SOX5: variants seen among roughly 807,000 people sequenced by gnomAD.
SOX5 encodes the protein transcription factor SOX-5.
SOX5 carries 9 observed loss-of-function variants against 92.0 expected under a neutral mutation model. The observed-to-expected ratio is 0.10, with a 90% CI of 0.06 to 0.17. The LOEUF is 0.17. Among genes scored for constraint, SOX5 ranks in the 10% least tolerant of loss-of-function variants. The probability of loss-of-function intolerance (pLI) is 1.00; values close to 1 mark genes in which losing one functional copy is unlikely to be tolerated. For synonymous variants in SOX5, 344 were observed against 336.3 expected (o/e 1.02, Z -0.25); for missense variants, 642 against 944.5 (o/e 0.68, Z 4.20).
chr12:24,428,600 T>G (rs1966976050), intron 1 of SOX5, among the ~76,000 whole-genome samples: 1 of 151,742 alleles, frequency 6.6e-6, no homozygotes, highest in Non-Finnish European at 1.5e-5. Context: ...AGTGAGACCC[T>G]GTCTCCATAA....
intron 1 of SOX5, among the ~76,000 whole-genome samples, chr12:23,896,571 T>G (rs1015139815): frequency 1.3e-5 from 2 of 152,092 alleles, no homozygotes; most frequent in Non-Finnish European, 2.9e-5. Context: ...GACAGAAAGT[T>G]TAATATTTGT....
intron 9 of SOX5, among the ~76,000 whole-genome samples, chr12:23,597,837 G>A (rs142784486): frequency 6.6e-6 from 1 of 152,306 alleles, no homozygotes; most frequent in East Asian, 1.9e-4. Context: ...TTATTAAGGA[G>A]ATTCTAGCAT....
At chr12:23,742,877 C>T (rs1307896983) in intron 4 of SOX5, among the ~76,000 whole-genome samples, 1 of 151,736 alleles carries the variant, frequency 6.6e-6, no homozygotes, top group Non-Finnish European at 1.5e-5. Flanking sequence ...AGCTGTAATC[C>T]CAGCTACTTG....
rs1965801137 is a variant in SOX5, at chr12:24,420,850, ACT to A, written c.-250-52213_-250-52212del. On this transcript the variant is annotated intron_variant, in intron 1 of 4. Transcript: ENST00000446891. The stretch of plus-strand genomic sequence containing the variant: ...CAAAGGGATCAAACTTATCTGATCA[ACT>A]CTCTGGAGCCAGCTGCCAGTCTTTC... Among the ~76,000 whole-genome samples the A allele has an allele frequency of 3.3e-5, 5 of 152,162 alleles. No individual in the cohort carries two copies. In the South Asian group the frequency reaches 1.0e-3, roughly 32 times the overall value.
intron 4 of SOX5, among the ~76,000 whole-genome samples, chr12:23,987,707 C>T (rs1048128176): frequency 6.6e-6 from 1 of 152,156 alleles, no homozygotes; most frequent in African/African-American, 2.4e-5. Flanking sequence ...GCTTGAGGAT[C>T]TCTAGAGCCA....
intron 3 of SOX5, among the ~76,000 whole-genome samples, chr12:23,786,350 C>T (rs764259235): frequency 2.0e-5 from 3 of 151,860 alleles, no homozygotes; most frequent in Non-Finnish European, 2.9e-5. Flanking sequence ...TTGTTTTAAA[C>T]ATACATTTTT....
chr12:23,626,918 A>G (rs1177057366), intron 8 of SOX5, among the ~76,000 whole-genome samples: 1 of 152,138 alleles, frequency 6.6e-6, no homozygotes, highest in Non-Finnish European at 1.5e-5. Flanking sequence ...TAGGATATAA[A>G]GAACTCCCAC....
chr12:24,276,707 A>G (rs530605374), intron 3 of SOX5, among the ~76,000 whole-genome samples: 1 of 152,152 alleles, frequency 6.6e-6, no homozygotes, highest in Non-Finnish European at 1.5e-5. Flanking sequence ...ATGCCCATGG[A>G]ATGTTTCTGT....
intron 4 of SOX5, among the ~76,000 whole-genome samples, chr12:23,751,552 T>C (rs1381262523): frequency 6.6e-6 from 1 of 151,890 alleles, no homozygotes; most frequent in Non-Finnish European, 1.5e-5. Flanking sequence ...TTCAAGCCAC[T>C]GACTGACTCT....
At chr12:24,355,228 C>CATCACCA (rs2141206359) in intron 2 of SOX5, among the ~76,000 whole-genome samples, 1 of 145,222 alleles carries the variant, frequency 6.9e-6, no homozygotes, top group African/African-American at 2.6e-5. Context: ...CCAGCCAGCT[C>CATCACCA]ATCACCAATA....
At chr12:24,171,192 A>T (rs1407122727) in intron 4 of SOX5, among the ~76,000 whole-genome samples, 604 of 21,602 alleles carry the variant, frequency 0.028, no homozygotes, top group Non-Finnish European at 0.034. Context: ...TTTTTCTTTT[A>T]TTTCATTGGC....
chr12:24,422,257 A>G (rs1367083351), intron 1 of SOX5, among the ~76,000 whole-genome samples: 1 of 152,200 alleles, frequency 6.6e-6, no homozygotes, highest in African/African-American at 2.4e-5. Context: ...TCAATACTGG[A>G]TATGATCAAC....
At chr12:23,950,165 C>CA (rs1046194294), upstream of SOX5, among the ~76,000 whole-genome samples, 1 of 151,814 alleles carries the variant, frequency 6.6e-6, no homozygotes, top group South Asian at 2.1e-4. Context: ...ACTAATTAAG[C>CA]AAAAAATTTA....
intron 2 of SOX5, among the ~76,000 whole-genome samples, chr12:24,319,954 G>C (rs1317776328): frequency 1.3e-5 from 2 of 152,130 alleles, no homozygotes; most frequent in Non-Finnish European, 2.9e-5. Flanking sequence ...TAGTAACTCA[G>C]TAGGTTACAC....
intron 4 of SOX5, among the ~76,000 whole-genome samples, chr12:23,748,141 T>C (rs1419811977): frequency 6.6e-6 from 1 of 152,038 alleles, no homozygotes; most frequent in Non-Finnish European, 1.5e-5. Context: ...CTTATTGATA[T>C]AGTTATTTAT....
chr12:23,782,259 C>G (rs1430290919), intron 3 of SOX5, among the ~76,000 whole-genome samples: 1 of 152,006 alleles, frequency 6.6e-6, no homozygotes, highest in Non-Finnish European at 1.5e-5. Flanking sequence ...GTGTCATTTT[C>G]AACTAGGTAA....
At chr12:24,162,911 C>A (rs1235256082) in intron 4 of SOX5, among the ~76,000 whole-genome samples, 2 of 152,118 alleles carry the variant, frequency 1.3e-5, no homozygotes, top group African/African-American at 2.4e-5. Context: ...GGCACTGATG[C>A]CCTCAGCCTT....
chr12:23,964,952 G>C (rs1947368380), intron 4 of SOX5, among the ~76,000 whole-genome samples: 1 of 152,204 alleles, frequency 6.6e-6, no homozygotes, highest in South Asian at 2.1e-4. Flanking sequence ...CCAGCCAGTA[G>C]GGGAGCAGAC....
rs75778428 is a variant in SOX5, at chr12:24,467,668, C to T, written c.-251+94661G>A. Among the ~76,000 whole-genome samples, 522 of 152,042 alleles carry T rather than the reference C, an allele frequency of 3.4e-3. 5 individuals carry two copies. The highest frequency in any genetic ancestry group is 0.012 in the African/African-American group (490 of 41,450). Reference sequence around the variant, plus strand: ...ACATAGGGGTGTTTAGATTTTTTCCCGGATATGATGGAGAGCCACTGAACA... The same window carrying T: ...ACATAGGGGTGTTTAGATTTTTTCCTGGATATGATGGAGAGCCACTGAACA... On this transcript the variant is annotated intron_variant, in intron 1 of 4. Coordinates refer to the SOX5 transcript ENST00000446891.
Sources: gnomAD v4.1 joint callset for allele counts (sites outside exome capture counted in the v4.1 genomes callset) on GRCh38, gnomAD v4.1.1 for gene constraint, MANE v1.5 for transcripts, NCBI Gene and HGNC (gene_info 2026-07-23, HGNC 2026-07-21) for gene names.